IRAG1: variants seen among roughly 807,000 people sequenced by gnomAD.
The protein encoded by IRAG1 is inositol 1,4,5-triphosphate receptor associated 1, also known as IP3R-associated cGMP kinase substrate.
A neutral mutation model predicts 106.2 loss-of-function variants in IRAG1; 62 were observed. The observed-to-expected ratio is 0.58, with a 90% CI of 0.48 to 0.72. The LOEUF is 0.72. IRAG1 is among the 30% of genes least tolerant of loss of function. IRAG1 has a pLI of 0.00. For synonymous variants in IRAG1, 462 were observed against 443.9 expected, an observed-to-expected ratio of 1.04 and a Z score of -0.51; for missense variants, 1,064 against 1,140.7, an observed-to-expected ratio of 0.93 and a Z score of 0.97.
At position 10,580,538 on chromosome 11, in the gene IRAG1, C is replaced by T. The variant is rs770091602; in HGVS notation, c.2412G>A (p.Glu804=). 1 of 1,613,952 alleles carries T rather than the reference C, an allele frequency of 6.2e-7. No individual in the cohort carries two copies. Among genetic ancestry groups the T allele is most frequent in the South Asian group, 1.1e-5 (1 of 91,080 alleles). ...KTKELQDLKE[E]EEEQKSESPE... ...GACTCTCACTCTTCTGTTCTTCCTC[C>T]TCCTCCTTCAGGTCTTGAAGTTCTT... The change falls in exon 20 of 21, where the codon GAG becomes GAA. Residue 804 remains glutamate, a synonymous_variant. Transcript: ENST00000423302.
chr11:10,632,186 CTTTCTT>C, intron 3 of IRAG1, 125 bp from the exon 4 acceptor site: 9 of 652,164 alleles, frequency 1.4e-5, no homozygotes, highest in African/African-American at 1.3e-4. Context: ...TTCCTTCTTT[CTTTCTT>C]TTTTTTTTTT....
chr11:10,591,602 G>A lies in IRAG1; in HGVS notation c.2186C>T (p.Pro729Leu). Residue 729 changes from proline (P) to leucine (L), a missense_variant, in exon 18 of 21, where the codon CCC (proline) becomes CTC (leucine). Pro to Leu is a moderately conservative substitution (Grantham distance 98). Coordinates refer to ENST00000423302, the MANE Select transcript of IRAG1 (RefSeq NM_130385.4). ...IPSLPALSES[P>L]NGKGSLPVTS... is the part of the protein sequence containing the mutation. ...GACAGGTAGGCTGCCTTTCCCATTG[G>A]GTGATTCCGACTGAGTGAAAAACAG... is the stretch of plus-strand genomic sequence containing the variant. 1 of 1,594,632 alleles carries A rather than the reference G, an allele frequency of 6.3e-7. No individual in the cohort carries two copies. The highest frequency in any genetic ancestry group is 8.5e-7 in the Non-Finnish European group (1 of 1,170,500).
chr11:10,677,173 C>G (rs968625148), intron 1 of IRAG1, among the ~76,000 whole-genome samples: 8 of 152,162 alleles, frequency 5.3e-5, no homozygotes, highest in African/African-American at 1.9e-4. Context: ...CACTCTGAAA[C>G]GCTCCCTCCA....
In IRAG1 at chr11:10,626,329, C is replaced by G; in HGVS notation, c.1005G>C (p.Leu335Phe). 6.2e-7 allele frequency: 1 copy of G among 1,613,522 alleles called. No individual in the cohort carries two copies. Among genetic ancestry groups the G allele is most frequent in the Non-Finnish European group, 8.5e-7 (1 of 1,179,708 alleles). The part of the protein sequence containing the change: ...PVESELGKQL[L>F]KTGWEGSPLP... ...GAGGGCTGCCCTCCCAGCCCGTTTTCAAGAGCTGCTTCCCCAGCTCGCTCT... is the reference window on the plus strand; with the variant it reads ...GAGGGCTGCCCTCCCAGCCCGTTTTGAAGAGCTGCTTCCCCAGCTCGCTCT... Residue 335 changes from leucine to phenylalanine, a missense_variant, in exon 9 of 21, where the codon TTG becomes TTC. By Grantham distance (22) the Leu-to-Phe change is conservative. Coordinates refer to ENST00000423302, the MANE Select transcript of IRAG1 (RefSeq NM_130385.4).
chr11:10,617,316 A>G (rs1855510086), intron 10 of IRAG1: 1 of 369,358 alleles, frequency 2.7e-6, no homozygotes, highest in African/African-American at 2.2e-5. Flanking sequence ...AAAATAGCTT[A>G]AACACCTCCT....
rs1245917769 is a variant in IRAG1, at chr11:10,629,758, C to T, written c.401-47G>A. On this transcript the variant is annotated intron_variant, in intron 4 of 20. Transcript: ENST00000423302. ...GGGTGAGAGCCACTGCATCCGTGGC[C>T]CCAGGCTGAGGTCATGCCATACCAT... 14 of 1,583,676 alleles carry T rather than the reference C, an allele frequency of 8.8e-6. No individual in the cohort carries two copies. The Admixed American group carries it at 2.1e-4, about 24-fold the overall frequency.
intron 9 of IRAG1, 45 bp from the exon 10 acceptor site, chr11:10,623,901 G>T (rs1206351074): frequency 6.4e-7 from 1 of 1,551,340 alleles, no homozygotes; most frequent in South Asian, 1.1e-5. Context: ...TGATGACACT[G>T]GGCTGGGCTG....
chr11:10,635,796 C>G (rs1426907447), intron 2 of IRAG1, among the ~76,000 whole-genome samples: 2 of 152,186 alleles, frequency 1.3e-5, no homozygotes, highest in Admixed American at 1.3e-4. Context: ...GGGTGAGAGT[C>G]CAGCTGGGGA....
chr11:10,613,060 A>C (rs1351375017), intron 10 of IRAG1, among the ~76,000 whole-genome samples: 1 of 152,158 alleles, frequency 6.6e-6, no homozygotes, highest in African/African-American at 2.4e-5. Context: ...GTATATGGAG[A>C]TAAAATAATG....
intron 1 of IRAG1, among the ~76,000 whole-genome samples, chr11:10,662,972 G>A (rs1400906135): frequency 6.6e-6 from 1 of 152,204 alleles, no homozygotes; most frequent in Non-Finnish European, 1.5e-5. Context: ...AAGCCAACAT[G>A]TGGGCTGAAT....
chr11:10,658,894 C>A (rs1329520373), intron 1 of IRAG1, among the ~76,000 whole-genome samples: 2 of 149,162 alleles, frequency 1.3e-5, no homozygotes, highest in African/African-American at 2.5e-5. Context: ...GCTGTGGTTA[C>A]CCCATGTCTG....
rs370381610 is a variant in IRAG1, at chr11:10,576,369, C to T, written c.2702G>A (p.Ser901Asn). The T allele has an allele frequency of 4.8e-5, 77 of 1,613,956 alleles. No homozygotes were observed. The highest frequency in any genetic ancestry group is 6.1e-5 in the Non-Finnish European group (72 of 1,179,872). Reference sequence around the variant, plus strand: ...AGGCTGCTCATGCTGGAGTCCTGAGCTCCACCAGGAGTCCCTCTGGGCTGC... The same window carrying T: ...AGGCTGCTCATGCTGGAGTCCTGAGTTCCACCAGGAGTCCCTCTGGGCTGC... The part of the protein sequence containing the change: ...CSAAQRDSWW[S>N]SGLQHEQPTE... Residue 901 changes from serine to asparagine, a missense_variant, in exon 21 of 21, where the codon AGC becomes AAC. Ser to Asn is a conservative substitution (Grantham distance 46, BLOSUM62 1). Transcript: ENST00000423302.
intron 14 of IRAG1, 71 bp downstream of exon 14, chr11:10,603,049 C>T: frequency 6.5e-7 from 1 of 1,527,488 alleles, no homozygotes; most frequent in South Asian, 1.2e-5. Flanking sequence ...GTAGTTGCCG[C>T]TGCTTGGGTG....
chr11:10,693,651 C>G lies in IRAG1; in HGVS notation c.-49G>C, dbSNP rs752319343. ...TCCGGAGCTCAGAGCCGAGAAGCCT[C>G]TGGCTGCAGAACCTCGGCCGCACGC... On this transcript the variant is annotated 5_prime_UTR_variant, in exon 1 of 21. Coordinates refer to ENST00000423302, the MANE Select transcript of IRAG1 (RefSeq NM_130385.4). The G allele has an allele frequency of 6.5e-7, 1 of 1,532,230 alleles. No individual in the cohort carries two copies. Among genetic ancestry groups the G allele is most frequent in the South Asian group, 1.2e-5 (1 of 83,916 alleles). The allele number at this position is 1,532,230 out of a possible 1,614,324, so 94.9% of individuals were successfully genotyped here.
intron 1 of IRAG1, among the ~76,000 whole-genome samples, chr11:10,664,714 G>A (rs1427060311): frequency 2.0e-5 from 3 of 152,206 alleles, no homozygotes; most frequent in Non-Finnish European, 4.4e-5. Context: ...GTGAGCATGT[G>A]AGCTGACAAG....
At chr11:10,602,354 C>T (rs534536373) in intron 14 of IRAG1, among the ~76,000 whole-genome samples, 3 of 152,166 alleles carry the variant, frequency 2.0e-5, no homozygotes, top group African/African-American at 7.2e-5. Context: ...CGGCAGCAAC[C>T]CTCTATGGCA....
At chr11:10,618,494 C>T (rs1470125414) in intron 10 of IRAG1, among the ~76,000 whole-genome samples, 1 of 152,230 alleles carries the variant, frequency 6.6e-6, no homozygotes, top group Non-Finnish European at 1.5e-5. Context: ...TGACATGCCA[C>T]ATCCTCTGGA....
intron 3 of IRAG1, among the ~76,000 whole-genome samples, chr11:10,632,516 T>C (rs1390588062): frequency 6.6e-6 from 1 of 152,146 alleles, no homozygotes; most frequent in African/African-American, 2.4e-5. Context: ...AAAGTCATCC[T>C]AGAACATCAT....
chr11:10,673,868 G>A (rs1009835231), intron 1 of IRAG1, among the ~76,000 whole-genome samples: 3 of 152,190 alleles, frequency 2.0e-5, no homozygotes, highest in African/African-American at 7.2e-5. Flanking sequence ...TTGAGGGAAA[G>A]AGATAGATTA....
Sources: allele counts gnomAD v4.1 joint callset (sites outside exome capture counted in the v4.1 genomes callset), GRCh38; gene constraint gnomAD v4.1.1; transcripts MANE v1.5; gene names NCBI Gene and HGNC (gene_info 2026-07-23, HGNC 2026-07-21).